The following PDCD6IP variants were observed in gnomAD, a reference collection of about 807,000 sequenced individuals.
The protein encoded by PDCD6IP is programmed cell death 6-interacting protein.
Under a neutral mutation model 103.7 loss-of-function variants are expected in PDCD6IP, and 43 were observed. The ratio of observed to expected loss-of-function variants is 0.41; its 90% CI spans 0.32 to 0.53. The LOEUF (loss-of-function observed/expected upper bound fraction) is 0.53. Ranked by LOEUF, PDCD6IP falls within the 20% of genes least tolerant of loss-of-function variation. PDCD6IP has a pLI of 0.16. For missense variants in PDCD6IP, 871 were observed against 1,036.7 expected, an observed-to-expected ratio of 0.84 and a Z score of 2.20; for synonymous variants, 354 against 378.7, an observed-to-expected ratio of 0.93 and a Z score of 0.76.
rs1490429063 is a variant in PDCD6IP at position 33,869,359 on chromosome 3, A to C, written c.*2834A>C. 1 of 152,256 alleles carries C rather than the reference A, an allele frequency of 6.6e-6. No individual in the cohort carries two copies. The highest frequency in any genetic ancestry group is 1.5e-5 in the Non-Finnish European group (1 of 68,052). 9.4% of individuals were successfully genotyped at this position (152,256 alleles called of 1,614,324 possible). Reference sequence around the variant, plus strand: ...GCAATTATTAGTTGATTCACAGTACAGAACAAGGTATAAAGGAAAAAACCC... The same window carrying C: ...GCAATTATTAGTTGATTCACAGTACCGAACAAGGTATAAAGGAAAAAACCC... On this transcript the variant is annotated 3_prime_UTR_variant, in exon 18 of 18. Coordinates refer to ENST00000307296, the MANE Select transcript of PDCD6IP (RefSeq NM_013374.6).
intron 1 of PDCD6IP, among the ~76,000 whole-genome samples, chr3:33,807,727 A>C (rs2125543510): frequency 6.6e-6 from 1 of 152,266 alleles, no homozygotes; most frequent in African/African-American, 2.4e-5. Flanking sequence ...GCCGTGTGCC[A>C]CAATTTTGGG....
chr3:33,863,650 A>G (rs1252652466), intron 15 of PDCD6IP, among the ~76,000 whole-genome samples: 2 of 152,204 alleles, frequency 1.3e-5, no homozygotes, highest in African/African-American at 4.8e-5. Flanking sequence ...ACTACACTAT[A>G]TCCATTTATC....
chr3:33,845,319 G>A lies in PDCD6IP; in HGVS notation c.1472-100G>A, dbSNP rs1306140305. On this transcript the variant is annotated intron_variant, in intron 11 of 17. Transcript: ENST00000307296. Reference sequence around the variant, plus strand: ...GTGAATTGGGGTCTATAGAAGGGGAGGATAAGTAAAGTTGGAGACTAGAAC... The same window carrying A: ...GTGAATTGGGGTCTATAGAAGGGGAAGATAAGTAAAGTTGGAGACTAGAAC... 6.5e-6 allele frequency: 5 copies of A among 768,152 alleles called. No homozygotes were observed. In the East Asian group the frequency reaches 8.3e-5, roughly 13 times the overall value. The allele number at this position is 768,152 out of a possible 1,614,324, so 47.6% of individuals were successfully genotyped here. A position where few individuals can be genotyped will look rare whatever the true frequency, so the allele number is the denominator to read the frequency against.
chr3:33,868,355 G>A lies in PDCD6IP; in HGVS notation c.*1830G>A, dbSNP rs1358434285. The A allele has an allele frequency of 6.6e-6, 1 of 152,200 alleles. No homozygotes were observed. The highest frequency in any genetic ancestry group is 1.5e-5 in the Non-Finnish European group (1 of 68,024). The allele number at this position is 152,200 out of a possible 1,614,324, so 9.4% of individuals were successfully genotyped here. A position where few individuals can be genotyped will look rare whatever the true frequency, so the allele number is the denominator to read the frequency against. ...TCTCTTGGGGAAAGAGGGCACCAAA[G>A]AAAAGGGTAAGTGCATCTGAGGGCC... On this transcript the variant is annotated 3_prime_UTR_variant, in exon 18 of 18. Coordinates refer to ENST00000307296, the MANE Select transcript of PDCD6IP (RefSeq NM_013374.6).
intron 15 of PDCD6IP, among the ~76,000 whole-genome samples, chr3:33,855,509 C>T (rs1178067435): frequency 6.6e-6 from 1 of 152,162 alleles, no homozygotes; most frequent in Non-Finnish European, 1.5e-5. Flanking sequence ...AAAAACAGTT[C>T]AGGTGGCAGA....
At chr3:33,823,038 T>TAA (rs1452676326) in intron 4 of PDCD6IP, among the ~76,000 whole-genome samples, 1 of 152,002 alleles carries the variant, frequency 6.6e-6, no homozygotes, top group African/African-American at 2.4e-5. Flanking sequence ...AATATATATA[T>TAA]AATCATGTTG....
rs951492398 is a variant in PDCD6IP, at chr3:33,866,621, T to C, written c.*96T>C. 73 of 1,020,544 alleles carry C rather than the reference T, an allele frequency of 7.2e-5. No homozygotes were observed. Among genetic ancestry groups the C allele is most frequent in the Non-Finnish European group, 9.8e-5 (69 of 701,666 alleles). The allele number at this position is 1,020,544 out of a possible 1,614,324, so 63.2% of individuals were successfully genotyped here. A position where few individuals can be genotyped will look rare whatever the true frequency, so the allele number is the denominator to read the frequency against. On this transcript the variant is annotated 3_prime_UTR_variant, in exon 18 of 18. Transcript: ENST00000307296. ...AAACTCTACGCTCTGGTTAATGTAATGTACTCTCCTGGACTGAATGCAGTG... is the reference window on the plus strand; with the variant it reads ...AAACTCTACGCTCTGGTTAATGTAACGTACTCTCCTGGACTGAATGCAGTG...
intron 13 of PDCD6IP, 36 bp from the exon 14 acceptor site, chr3:33,853,839 TATAA>T (rs781690612): frequency 2.9e-5 from 39 of 1,339,906 alleles, no homozygotes; most frequent in East Asian, 8.7e-5. Context: ...ATATTAATTT[TATAA>T]ATAAATGTAA....
chr3:33,843,061 A>G (rs1416596720), intron 10 of PDCD6IP, among the ~76,000 whole-genome samples: 3 of 152,194 alleles, frequency 2.0e-5, no homozygotes, highest in Non-Finnish European at 4.4e-5. Flanking sequence ...TATAGTAGTA[A>G]TTTATCTTAA....
intron 15 of PDCD6IP, among the ~76,000 whole-genome samples, chr3:33,857,859 A>G (rs1467915632): frequency 6.6e-6 from 1 of 152,236 alleles, no homozygotes; most frequent in Non-Finnish European, 1.5e-5. Context: ...GAGAAGCACT[A>G]TAAACAGTTC....
chr3:33,800,906 T>C (rs1236746970), intron 1 of PDCD6IP, among the ~76,000 whole-genome samples: 1 of 152,248 alleles, frequency 6.6e-6, no homozygotes, highest in Non-Finnish European at 1.5e-5. Context: ...ACGGTTCTCC[T>C]GTCAACTTTA....
intron 12 of PDCD6IP, 111 bp downstream of exon 12, chr3:33,845,699 A>C (rs1279771391): frequency 3.9e-6 from 3 of 766,160 alleles, no homozygotes; most frequent in Non-Finnish European, 6.3e-6. Context: ...AAAATGCAGA[A>C]ATAAATTGGG....
chr3:33,831,066 G>A lies in PDCD6IP; in HGVS notation c.834+2097G>A, dbSNP rs1697233977. ...GCAGCAAAGGTAAAATAACTGCTTG[G>A]AATCAATCACTTCTGGGGCCAAGAA... On this transcript the variant is annotated intron_variant, in intron 7 of 17. Transcript: ENST00000307296. Among the ~76,000 whole-genome samples the A allele has an allele frequency of 3.3e-5, 5 of 152,218 alleles. No homozygotes were observed. The South Asian group carries it at 1.0e-3, about 32-fold the overall frequency.
chr3:33,856,938 A>G (rs544823825), intron 15 of PDCD6IP, among the ~76,000 whole-genome samples: 1 of 152,200 alleles, frequency 6.6e-6, no homozygotes, highest in African/African-American at 2.4e-5. Flanking sequence ...AAATATAAAG[A>G]GCTGAAAGAG....
chr3:33,836,728 G>A (rs1388994677), intron 8 of PDCD6IP, among the ~76,000 whole-genome samples: 2 of 151,216 alleles, frequency 1.3e-5, no homozygotes. Context: ...GCATGGTGGT[G>A]CATGCCTGTG....
At position 33,812,085 on chromosome 3, in the gene PDCD6IP, A is replaced by T. The variant is rs745493460; in HGVS notation, c.223A>T (p.Ile75Phe). 4 of 1,597,310 alleles carry T rather than the reference A, an allele frequency of 2.5e-6. No individual in the cohort carries two copies. The highest frequency in any genetic ancestry group is 3.4e-6 in the Non-Finnish European group (4 of 1,172,828). ...LETLLRYYDQ[I>F]CSIEPKFPFS... ...TCTATTTTTTAGATATTATGATCAG[A>T]TTTGTTCTATTGAACCCAAATTCCC... The change falls in exon 2 of 18, where the codon ATT becomes TTT. Residue 75 changes from isoleucine (I) to phenylalanine (F), a missense_variant. Ile to Phe is a conservative substitution (Grantham distance 21). Transcript: ENST00000307296.
intron 12 of PDCD6IP, among the ~76,000 whole-genome samples, chr3:33,850,010 T>A: frequency 6.6e-6 from 1 of 152,232 alleles, no homozygotes; most frequent in East Asian, 1.9e-4. Context: ...TCTGTATCAG[T>A]CTGGTTGGAT....
intron 13 of PDCD6IP, 28 bp downstream of exon 13, chr3:33,852,764 G>C (rs1490105264): frequency 1.3e-6 from 2 of 1,554,108 alleles, no homozygotes; most frequent in South Asian, 2.5e-5. Flanking sequence ...AATAAGATCT[G>C]TGTTTTAAAA....
At chr3:33,811,558 A>G (rs1343457325) in intron 1 of PDCD6IP, among the ~76,000 whole-genome samples, 1 of 152,168 alleles carries the variant, frequency 6.6e-6, no homozygotes, top group Non-Finnish European at 1.5e-5. Context: ...TGCAGAAAAC[A>G]GGTCGGAAAG....
Sources: allele counts gnomAD v4.1 joint callset (sites outside exome capture counted in the v4.1 genomes callset), GRCh38; gene constraint gnomAD v4.1.1; transcripts MANE v1.5; gene names NCBI Gene and HGNC (gene_info 2026-07-23, HGNC 2026-07-21).